The following GRIK4 variants were observed in gnomAD, a reference collection of about 807,000 sequenced individuals.
GRIK4 encodes glutamate ionotropic receptor kainate type subunit 4, also known as glutamate receptor ionotropic, kainate 4.
A neutral mutation model predicts 104.9 loss-of-function variants in GRIK4; 40 were observed. The ratio of observed to expected loss-of-function variants is 0.38; its 90% CI spans 0.30 to 0.50. GRIK4 has a LOEUF of 0.50. Among genes scored for constraint, GRIK4 ranks in the 20% least tolerant of loss-of-function variants. The probability of loss-of-function intolerance (pLI) is 0.93; values close to 1 mark genes in which losing one functional copy is unlikely to be tolerated. For missense variants in GRIK4, 1,047 were observed against 1,308.1 expected, an observed-to-expected ratio of 0.80 and a Z score of 3.08; for synonymous variants, 485 against 524.9, an observed-to-expected ratio of 0.92 and a Z score of 1.04.
intron 10 of GRIK4, 36 bp from the exon 11 acceptor site, chr11:120,875,103 C>T: frequency 7.6e-7 from 1 of 1,310,102 alleles, no homozygotes; most frequent in Non-Finnish European, 1.1e-6. Flanking sequence ...TAACCTGGGG[C>T]CTGTTTGGTG....
rs964351398 is a variant in GRIK4, at chr11:120,555,138, G to T, written c.-159+43251G>T. 6.6e-6 allele frequency among the ~76,000 whole-genome samples: 1 copy of T among 152,232 alleles called. No individual in the cohort carries two copies. The highest frequency in any genetic ancestry group is 1.5e-5 in the Non-Finnish European group (1 of 68,042). ...CAGATGTCCTCCAGGCCCTGCACGC[G>T]CAGGTCACCATGTTATCTATCCATG... is the stretch of plus-strand genomic sequence containing the variant. On this transcript the variant is annotated intron_variant, in intron 1 of 20. Coordinates refer to ENST00000527524, the MANE Select transcript of GRIK4 (RefSeq NM_014619.5). The surrounding 1 kb of genome is among the most constrained non-coding windows in gnomAD (Gnocchi z 5.3).
rs567765889 is a variant in GRIK4 at position 120,581,867 on chromosome 11, C to T, written c.-159+69980C>T. 3.0e-3 allele frequency among the ~76,000 whole-genome samples: 450 copies of T among 151,204 alleles called. 2 individuals carry two copies. The highest frequency in any genetic ancestry group is 0.01 in the African/African-American group (419 of 41,180). On this transcript the variant is annotated intron_variant, in intron 1 of 20. Transcript: ENST00000527524. ...TGTTGCCCAGGCTGGAGTGCAGTGG[C>T]GTGATCTCGGCTCACTGCAAGCTCC... is the stretch of plus-strand genomic sequence containing the variant.
chr11:120,979,588 C>A (rs1944617108), intron 19 of GRIK4, among the ~76,000 whole-genome samples: 1 of 152,070 alleles, frequency 6.6e-6, no homozygotes, highest in Admixed American at 6.5e-5. Context: ...TTGGATTAGA[C>A]AGAGTTGGAG....
At chr11:120,861,640 C>T (rs12221530) in intron 8 of GRIK4, among the ~76,000 whole-genome samples, 24,306 of 152,118 alleles carry the variant, frequency 0.16, 2,646 homozygotes, top group Admixed American at 0.32. Context: ...AAGCATCCCA[C>T]CTCCCGTGGA....
At chr11:120,658,105 T>C (rs1949742716) in intron 2 of GRIK4, among the ~76,000 whole-genome samples, 2 of 152,258 alleles carry the variant, frequency 1.3e-5, no homozygotes, top group South Asian at 2.1e-4. Flanking sequence ...TTTTACACTT[T>C]ATATAGACAG....
chr11:120,779,807 A>G (rs936508750), intron 3 of GRIK4, among the ~76,000 whole-genome samples: 10 of 152,236 alleles, frequency 6.6e-5, no homozygotes, highest in African/African-American at 2.4e-4. Flanking sequence ...TAGTATTTCT[A>G]CATCACTTAG....
chr11:120,661,584 A>C (rs1451391700), intron 3 of GRIK4, among the ~76,000 whole-genome samples: 1 of 152,224 alleles, frequency 6.6e-6, no homozygotes, highest in African/African-American at 2.4e-5. Flanking sequence ...CTCCAATTGC[A>C]TTCAGGTCGG....
intron 1 of GRIK4, among the ~76,000 whole-genome samples, chr11:120,579,081 A>T (rs999676143): frequency 6.6e-6 from 1 of 152,182 alleles, no homozygotes; most frequent in Non-Finnish European, 1.5e-5. Flanking sequence ...GTCCAGCCCA[A>T]GTGGCATTTA....
intron 1 of GRIK4, among the ~76,000 whole-genome samples, chr11:120,643,885 C>A (rs1323979903): frequency 6.6e-6 from 1 of 152,156 alleles, no homozygotes; most frequent in African/African-American, 2.4e-5. Context: ...CCTCAGTTTC[C>A]TCTTTCAGAA....
intron 1 of GRIK4, among the ~76,000 whole-genome samples, chr11:120,536,634 C>G (rs1334989985): frequency 6.6e-6 from 1 of 152,124 alleles, no homozygotes; most frequent in Non-Finnish European, 1.5e-5. Flanking sequence ...GTCCTTGGGC[C>G]TGTTCTGGTT....
chr11:120,863,486 C>T (rs1391100309), intron 9 of GRIK4, among the ~76,000 whole-genome samples: 1 of 152,166 alleles, frequency 6.6e-6, no homozygotes, highest in South Asian at 2.1e-4. Context: ...CATGTGTCCC[C>T]ATTGTTAAGC....
At chr11:120,616,647 T>C (rs558243983) in intron 1 of GRIK4, among the ~76,000 whole-genome samples, 3 of 152,312 alleles carry the variant, frequency 2.0e-5, no homozygotes, top group Admixed American at 1.3e-4. Flanking sequence ...GAGATGGTCA[T>C]GCACAAGGCA....
chr11:120,963,129 G>GA (rs1330162125), intron 18 of GRIK4, among the ~76,000 whole-genome samples: 1 of 152,172 alleles, frequency 6.6e-6, no homozygotes, highest in African/African-American at 2.4e-5. Context: ...CGTTGCCAGT[G>GA]AAAAGTTTAC....
intron 1 of GRIK4, among the ~76,000 whole-genome samples, chr11:120,518,153 T>C (rs987687447): frequency 1.3e-5 from 2 of 152,138 alleles, no homozygotes; most frequent in Admixed American, 1.3e-4. Flanking sequence ...CCCCTGAGGC[T>C]GTGTGGTGCA....
intron 3 of GRIK4, among the ~76,000 whole-genome samples, chr11:120,702,726 A>T (rs1950572453): frequency 3.9e-5 from 6 of 152,200 alleles, no homozygotes. Context: ...GAGGACTGAC[A>T]GGTGGGCTCA....
chr11:120,565,993 G>A (rs1282533490), intron 1 of GRIK4, among the ~76,000 whole-genome samples: 2 of 152,156 alleles, frequency 1.3e-5, no homozygotes, highest in Non-Finnish European at 2.9e-5. Context: ...CCCTTGAGCC[G>A]TGTTGAAAGT....
chr11:120,819,650 TA>T lies in GRIK4; in HGVS notation c.346-104del. Reference sequence around the variant, plus strand: ...TCCCATTGGTGTCTGGCGAAGGTGTTACATAAAAGAACTCACCCTCCACAAC... The same window carrying T: ...TCCCATTGGTGTCTGGCGAAGGTGTTCATAAAAGAACTCACCCTCCACAAC... On this transcript the variant is annotated intron_variant, in intron 5 of 20. Coordinates refer to ENST00000527524, the MANE Select transcript of GRIK4 (RefSeq NM_014619.5). This position sits in a 1 kb window ranked among gnomAD's most constrained non-coding sequence, Gnocchi z 4.3. 1 of 1,032,264 alleles carries T rather than the reference TA, an allele frequency of 9.7e-7. No homozygotes were observed. Among genetic ancestry groups the T allele is most frequent in the South Asian group, 1.4e-5 (1 of 71,064 alleles). The allele number at this position is 1,032,264 out of a possible 1,614,324, so 63.9% of individuals were successfully genotyped here. A position where few individuals can be genotyped will look rare whatever the true frequency, so the allele number is the denominator to read the frequency against.
intron 4 of GRIK4, among the ~76,000 whole-genome samples, chr11:120,811,768 A>G (rs1374917380): frequency 6.6e-6 from 1 of 152,218 alleles, no homozygotes; most frequent in East Asian, 1.9e-4. Context: ...AGTATTTTAA[A>G]TGCCTAAATA....
At chr11:120,620,788 C>T (rs1949177086) in intron 1 of GRIK4, among the ~76,000 whole-genome samples, 1 of 152,136 alleles carries the variant, frequency 6.6e-6, no homozygotes, top group African/African-American at 2.4e-5. Context: ...CTATTATTTC[C>T]CCACTGACAA....
Sources: allele counts gnomAD v4.1 joint callset (sites outside exome capture counted in the v4.1 genomes callset), GRCh38; gene constraint gnomAD v4.1.1; non-coding constraint Gnocchi (gnomAD v3.1); transcripts MANE v1.5; gene names NCBI Gene and HGNC (gene_info 2026-07-23, HGNC 2026-07-21).